Variants in LHPP observed in about 807,000 individuals in gnomAD.
The protein encoded by LHPP is phospholysine phosphohistidine inorganic pyrophosphate phosphatase, also known as hLHPP.
A neutral mutation model predicts 30.3 loss-of-function variants in LHPP; 24 were observed. That is an observed-to-expected ratio of 0.79 (90% CI 0.57 to 1.11). The LOEUF is 1.11. Among genes scored for constraint, LHPP ranks in the 50% most tolerant of loss-of-function variants. LHPP has a pLI of 0.00. For synonymous variants in LHPP, 150 were observed against 157.1 expected, an observed-to-expected ratio of 0.95 and a Z score of 0.34; for missense variants, 356 against 367.2, an observed-to-expected ratio of 0.97 and a Z score of 0.25.
intron 6 of LHPP, among the ~76,000 whole-genome samples, chr10:124,522,941 T>C (rs1954645164): frequency 6.6e-6 from 1 of 152,170 alleles, no homozygotes; most frequent in Non-Finnish European, 1.5e-5. Flanking sequence ...CCTTCCTGCC[T>C]CTTATATCCC....
intron 5 of LHPP, among the ~76,000 whole-genome samples, chr10:124,504,021 A>T (rs1953987614): frequency 1.3e-5 from 2 of 151,638 alleles, no homozygotes; most frequent in African/African-American, 2.4e-5. Flanking sequence ...GCAAAACCCC[A>T]TCTCTACTAC....
chr10:124,498,827 G>A (rs904913014), intron 5 of LHPP: 10 of 147,342 alleles, frequency 6.8e-5, no homozygotes, highest in Admixed American at 3.2e-4. Flanking sequence ...CCCCCCCCCC[G>A]CCAACCCCAA....
chr10:124,484,090 C>T (rs1254659644), intron 1 of LHPP, 49 bp from the exon 2 acceptor site: 2 of 1,579,750 alleles, frequency 1.3e-6, no homozygotes, highest in Admixed American at 1.8e-5. Context: ...CTTCAGAGGC[C>T]CAACACTCCA....
chr10:124,577,473 C>T (rs1413594286), intron 6 of LHPP, among the ~76,000 whole-genome samples: 1 of 152,236 alleles, frequency 6.6e-6, no homozygotes, highest in East Asian at 1.9e-4. Flanking sequence ...CTCCAGAGGA[C>T]ACACCTCCGG....
chr10:124,568,562 C>G (rs114496679), intron 6 of LHPP, among the ~76,000 whole-genome samples: 1,825 of 152,296 alleles, frequency 0.012, 38 homozygotes, highest in African/African-American at 0.041. Context: ...CTTCCCGCTT[C>G]GTGGCAAGTC....
intron 3 of LHPP, among the ~76,000 whole-genome samples, chr10:124,494,231 G>T (rs762853013): frequency 6.6e-6 from 1 of 152,148 alleles, no homozygotes; most frequent in Non-Finnish European, 1.5e-5. Context: ...AAGTGGCGCC[G>T]CGTGGGTCCC....
chr10:124,526,359 T>C, intron 6 of LHPP: 6 of 369,784 alleles, frequency 1.6e-5, no homozygotes, highest in Non-Finnish European at 2.2e-5. Context: ...ACCCGCCTTC[T>C]TACCCCTACC....
intron 6 of LHPP, among the ~76,000 whole-genome samples, chr10:124,608,701 C>A (rs1949127527): frequency 6.6e-6 from 1 of 152,254 alleles, no homozygotes; most frequent in Non-Finnish European, 1.5e-5. Flanking sequence ...GACCCCCACC[C>A]CACCCACCTG....
At position 124,573,689 on chromosome 10, in the gene LHPP, G is replaced by A. The variant is rs530949606; in HGVS notation, c.717-39575G>A. ...GTTTAAGGTACAGTCCCTGAAGTGG[G>A]ATTGCCGTGCCTGATCCTTGCTGCC... On this transcript the variant is annotated intron_variant, in intron 6 of 6. Transcript: ENST00000368842. 4.1e-4 allele frequency among the ~76,000 whole-genome samples: 63 copies of A among 152,302 alleles called. 1 individual carries two copies. The highest frequency in any genetic ancestry group is 1.4e-3 in the African/African-American group (60 of 41,560).
chr10:124,574,871 G>T (rs1948638036), intron 6 of LHPP, among the ~76,000 whole-genome samples: 1 of 152,070 alleles, frequency 6.6e-6, no homozygotes. Flanking sequence ...TGGGCCCACT[G>T]CTGTCCTTCT....
chr10:124,505,898 T>TA (rs1281556052), intron 5 of LHPP, among the ~76,000 whole-genome samples: 1 of 152,146 alleles, frequency 6.6e-6, no homozygotes, highest in African/African-American at 2.4e-5. Flanking sequence ...GCCTGAAGCT[T>TA]AGAGATGAAA....
intron 6 of LHPP, among the ~76,000 whole-genome samples, chr10:124,539,309 G>T (rs1955115636): frequency 6.6e-6 from 1 of 152,318 alleles, no homozygotes; most frequent in Admixed American, 6.5e-5. Flanking sequence ...GGCACTTCGG[G>T]CCTCAGTTTC....
At chr10:124,558,652 C>A (rs1244674883) in intron 6 of LHPP, among the ~76,000 whole-genome samples, 1 of 152,188 alleles carries the variant, frequency 6.6e-6, no homozygotes, top group African/African-American at 2.4e-5. Flanking sequence ...TGCTACCCAA[C>A]CCCCCATGGC....
chr10:124,461,838 G>T lies in LHPP; in HGVS notation c.-25G>T. The T allele has an allele frequency of 3.2e-6, 4 of 1,232,460 alleles. No individual in the cohort carries two copies. The highest frequency in any genetic ancestry group is 3.0e-6 in the Non-Finnish European group (3 of 984,738). The allele number at this position is 1,232,460 out of a possible 1,614,324, so 76.3% of individuals were successfully genotyped here. On this transcript the variant is annotated 5_prime_UTR_variant, in exon 1 of 7. Transcript: ENST00000368842. ...CGGCGCCGGCGTCGGTTGGGACGCGGAGCTGAGGAGCAGGGCCGGGCGCCA... is the reference window on the plus strand; with the variant it reads ...CGGCGCCGGCGTCGGTTGGGACGCGTAGCTGAGGAGCAGGGCCGGGCGCCA...
intron 5 of LHPP, among the ~76,000 whole-genome samples, chr10:124,512,120 G>A (rs895333888): frequency 3.9e-5 from 6 of 152,252 alleles, no homozygotes; most frequent in East Asian, 1.9e-4. Context: ...AGCACTTGTC[G>A]TGAGCTCCGT....
chr10:124,464,349 T>G (rs1952496517), intron 1 of LHPP, among the ~76,000 whole-genome samples: 1 of 152,202 alleles, frequency 6.6e-6, no homozygotes. Flanking sequence ...CTCTTGGTCC[T>G]TCTTAGAGAC....
chr10:124,599,312 A>C (rs937650555), intron 6 of LHPP, among the ~76,000 whole-genome samples: 1 of 150,434 alleles, frequency 6.6e-6, no homozygotes, highest in African/African-American at 2.5e-5. Flanking sequence ...CCAGGCGAGC[A>C]CCTGCCATGC....
chr10:124,606,277 C>CA (rs71484572), intron 6 of LHPP, among the ~76,000 whole-genome samples: 1 of 151,840 alleles, frequency 6.6e-6, no homozygotes, highest in Admixed American at 6.6e-5. Context: ...ACACCATTCT[C>CA]GGGGGGACAG....
At chr10:124,466,718 A>C (rs1456165703) in intron 1 of LHPP, among the ~76,000 whole-genome samples, 1 of 152,024 alleles carries the variant, frequency 6.6e-6, no homozygotes, top group African/African-American at 2.4e-5. Flanking sequence ...TGGACTCCCA[A>C]AGTGCTGGGA....
Sources: allele counts gnomAD v4.1 joint callset (sites outside exome capture counted in the v4.1 genomes callset), GRCh38; gene constraint gnomAD v4.1.1; transcripts MANE v1.5; gene names NCBI Gene and HGNC (gene_info 2026-07-23, HGNC 2026-07-21).